TMCO4: variants seen among roughly 807,000 people sequenced by gnomAD.
The protein encoded by TMCO4 is transmembrane and coiled-coil domains 4, also known as transmembrane and coiled-coil domain-containing protein 4.
TMCO4 carries 58 observed loss-of-function variants against 64.7 expected under a neutral mutation model. The observed-to-expected ratio is 0.90, with a 90% CI of 0.73 to 1.12. The LOEUF (loss-of-function observed/expected upper bound fraction) is 1.12, where lower values mean the gene tolerates loss of function less well. TMCO4 is among the 50% of genes most tolerant of loss of function. The pLI is 0.00. For synonymous variants in TMCO4, 325 were observed against 346.1 expected, an observed-to-expected ratio of 0.94 and a Z score of 0.68; for missense variants, 780 against 825.9, an observed-to-expected ratio of 0.94 and a Z score of 0.68.
intron 15 of TMCO4, among the ~76,000 whole-genome samples, chr1:19,685,290 C>G (rs1488338209): frequency 6.6e-6 from 1 of 152,074 alleles, no homozygotes; most frequent in African/African-American, 2.4e-5. Context: ...TGTGCCGCTG[C>G]ACTCCAGTTT....
intron 2 of TMCO4, among the ~76,000 whole-genome samples, chr1:19,792,186 C>A (rs72658541): frequency 1.3e-5 from 2 of 152,096 alleles, no homozygotes; most frequent in African/African-American, 4.8e-5. Flanking sequence ...TGGACTAATA[C>A]ACCAAGGAAC....
chr1:19,752,182 G>C (rs1167628621), intron 7 of TMCO4, among the ~76,000 whole-genome samples: 1 of 152,160 alleles, frequency 6.6e-6, no homozygotes, highest in Non-Finnish European at 1.5e-5. Flanking sequence ...GGAGATGTTT[G>C]CTCTGAGTCA....
chr1:19,725,614 C>A (rs2095405359), intron 13 of TMCO4, among the ~76,000 whole-genome samples: 1 of 152,196 alleles, frequency 6.6e-6, no homozygotes, highest in South Asian at 2.1e-4. Context: ...TCAGAAATAC[C>A]CTTGGGGACA....
chr1:19,747,289 C>A, intron 7 of TMCO4, 29 bp from the exon 8 acceptor site: 1 of 1,588,044 alleles, frequency 6.3e-7, no homozygotes, highest in Non-Finnish European at 8.6e-7. Flanking sequence ...GTCTTTAGGG[C>A]CAGCTGTGCC....
chr1:19,777,375 T>G, intron 4 of TMCO4, among the ~76,000 whole-genome samples: 3 of 141,352 alleles, frequency 2.1e-5, no homozygotes, highest in Admixed American at 7.3e-5. Context: ...TGAGACAGAG[T>G]CTCACCCTGT....
chr1:19,684,220 C>A (rs555848630), intron 15 of TMCO4, among the ~76,000 whole-genome samples: 2 of 151,796 alleles, frequency 1.3e-5, no homozygotes, highest in African/African-American at 4.8e-5. Flanking sequence ...GCAGCCTTGA[C>A]CTCTTGGGCT....
At chr1:19,709,293 G>T (rs890666138) in intron 13 of TMCO4, among the ~76,000 whole-genome samples, 15 of 152,052 alleles carry the variant, frequency 9.9e-5, no homozygotes, top group Non-Finnish European at 4.4e-5. Flanking sequence ...CGGCGGGGGG[G>T]GGGGACCCTA....
intron 7 of TMCO4, among the ~76,000 whole-genome samples, chr1:19,754,398 G>T (rs908855417): frequency 1.3e-5 from 2 of 152,162 alleles, no homozygotes; most frequent in African/African-American, 4.8e-5. Flanking sequence ...GTCAAAGCTA[G>T]TATGTCTACA....
rs762608022 is a variant in TMCO4 at position 19,746,559 on chromosome 1, T to C, written c.654A>G (p.Gly218=). ...CGGCGCTGCCAATAATCGTCGCTGC[T>C]CCAGCGGCAACAAGGGGTGCAGCTA... The part of the protein sequence containing the change: ...GGLAAPLVAA[G]AATIIGSAGA... Residue 218 remains glycine (G), a synonymous_variant, in exon 9 of 16, where the codon GGA becomes GGG. Coordinates refer to ENST00000294543, the MANE Select transcript of TMCO4 (RefSeq NM_181719.7). 1 of 1,611,232 alleles carries C rather than the reference T, an allele frequency of 6.2e-7. No homozygotes were observed. The highest frequency in any genetic ancestry group is 1.1e-5 in the South Asian group (1 of 90,416).
At chr1:19,790,853 G>A (rs2043995278) in intron 2 of TMCO4, among the ~76,000 whole-genome samples, 1 of 152,164 alleles carries the variant, frequency 6.6e-6, no homozygotes, top group East Asian at 1.9e-4. Context: ...AAAGATACCT[G>A]CACGTGTATG....
Position 19,780,453 on chromosome 1 carries a change from G to A in TMCO4, c.179+127C>T, listed in dbSNP as rs187341233. 92 of 1,187,456 alleles carry A rather than the reference G, an allele frequency of 7.7e-5. No homozygotes were observed. The African/African-American group carries it at 1.2e-3, about 15-fold the overall frequency. The allele number at this position is 1,187,456 out of a possible 1,614,324, so 73.6% of individuals were successfully genotyped here. A position where few individuals can be genotyped will look rare whatever the true frequency, so the allele number is the denominator to read the frequency against. ...CGGCCTGGAGGTTAGAGACCCCTGC[G>A]TTAGAGGCAAGGACAATGACTTGCC... On this transcript the variant is annotated intron_variant, in intron 4 of 15. Coordinates refer to ENST00000294543, the MANE Select transcript of TMCO4 (RefSeq NM_181719.7).
intron 3 of TMCO4, among the ~76,000 whole-genome samples, chr1:19,781,144 C>CAAAAAAA (rs535767635): frequency 1.9e-5 from 1 of 52,598 alleles, no homozygotes; most frequent in Non-Finnish European, 3.8e-5. Flanking sequence ...GACTCCATCT[C>CAAAAAAA]AAAAAAAAAA....
chr1:19,774,275 T>C (rs2101038992), intron 4 of TMCO4, among the ~76,000 whole-genome samples: 1 of 152,222 alleles, frequency 6.6e-6, no homozygotes, highest in Admixed American at 6.5e-5. Context: ...CGAAGAAAGT[T>C]TTGGATATGG....
chr1:19,728,215 T>C (rs1378156989), intron 13 of TMCO4, among the ~76,000 whole-genome samples: 1 of 152,144 alleles, frequency 6.6e-6, no homozygotes, highest in Non-Finnish European at 1.5e-5. Context: ...TAAAAGGTTT[T>C]AAGTAGGAGC....
intron 14 of TMCO4, 61 bp from the exon 15 acceptor site, chr1:19,694,612 G>T: frequency 2.0e-6 from 3 of 1,512,918 alleles, no homozygotes; most frequent in Non-Finnish European, 2.7e-6. Context: ...CCAAGGACAG[G>T]ACGGGCCAGG....
At chr1:19,723,528 A>C (rs1298139320) in intron 13 of TMCO4, among the ~76,000 whole-genome samples, 3 of 152,052 alleles carry the variant, frequency 2.0e-5, no homozygotes, top group Admixed American at 2.0e-4. Context: ...CATGTAGCTA[A>C]AGTCTGCATG....
At chr1:19,787,493 C>T (rs2043805730) in intron 2 of TMCO4, among the ~76,000 whole-genome samples, 1 of 152,220 alleles carries the variant, frequency 6.6e-6, no homozygotes, top group Admixed American at 6.5e-5. Flanking sequence ...AGTGGGCACT[C>T]AGAAAATGTC....
intron 14 of TMCO4, among the ~76,000 whole-genome samples, chr1:19,697,702 C>T (rs1376624391): frequency 6.6e-6 from 1 of 151,578 alleles, no homozygotes; most frequent in East Asian, 1.9e-4. Context: ...GGGCTCAAGC[C>T]ATCCTCCCAC....
intron 13 of TMCO4, among the ~76,000 whole-genome samples, chr1:19,727,854 C>T (rs2095415144): frequency 6.6e-6 from 1 of 152,182 alleles, no homozygotes; most frequent in African/African-American, 2.4e-5. Flanking sequence ...TACATATATA[C>T]CATGGAATAT....
Sources: allele counts gnomAD v4.1 joint callset (sites outside exome capture counted in the v4.1 genomes callset), GRCh38; gene constraint gnomAD v4.1.1; transcripts MANE v1.5; gene names NCBI Gene and HGNC (gene_info 2026-07-23, HGNC 2026-07-21).